Variants in GLRA3 observed in about 807,000 individuals in gnomAD.
GLRA3 encodes the protein glycine receptor alpha 3, also known as glycine receptor subunit alpha-3.
GLRA3 carries 44 observed loss-of-function variants against 60.4 expected under a neutral mutation model. The ratio of observed to expected loss-of-function variants is 0.73; its 90% CI spans 0.57 to 0.94. The LOEUF (loss-of-function observed/expected upper bound fraction) is 0.94. Among genes scored for constraint, GLRA3 ranks in the 40% least tolerant of loss-of-function variants. The pLI is 0.00. For missense variants in GLRA3, 508 were observed against 564.6 expected, an observed-to-expected ratio of 0.90 and a Z score of 1.02; for synonymous variants, 223 against 192.9, an observed-to-expected ratio of 1.16 and a Z score of -1.29.
chr4:174,716,869 T>C (rs961589281), intron 4 of GLRA3, among the ~76,000 whole-genome samples: 4 of 152,092 alleles, frequency 2.6e-5, no homozygotes, highest in Non-Finnish European at 5.9e-5. Flanking sequence ...CCAAATTCTA[T>C]AGTGTGGGCA....
chr4:174,724,018 T>A (rs1351177312), intron 4 of GLRA3, among the ~76,000 whole-genome samples: 1 of 151,082 alleles, frequency 6.6e-6, no homozygotes, highest in Non-Finnish European at 1.5e-5. Flanking sequence ...ATATGTATAT[T>A]TTTACATACA....
rs1732510088 is a variant in GLRA3, at chr4:174,637,006, ACT to A, written c.*6778_*6779del. Reference sequence around the variant, plus strand: ...ACTTTATACTGTTCACAGGTTAATGACTCTGATAGAGAGTCTGTTAGTTGCAA... The same window carrying A: ...ACTTTATACTGTTCACAGGTTAATGACTGATAGAGAGTCTGTTAGTTGCAA... On this transcript the variant is annotated 3_prime_UTR_variant, in exon 10 of 10. Transcript: ENST00000274093. The A allele has an allele frequency of 6.6e-6, 1 of 152,182 alleles. No homozygotes were observed. Among genetic ancestry groups the A allele is most frequent in the East Asian group, 1.9e-4 (1 of 5,192 alleles). 9.4% of individuals were successfully genotyped at this position (152,182 alleles called of 1,614,324 possible).
chr4:174,690,842 G>T (rs1734767753), intron 5 of GLRA3, among the ~76,000 whole-genome samples: 1 of 152,124 alleles, frequency 6.6e-6, no homozygotes, highest in Non-Finnish European at 1.5e-5. Context: ...ACATGACCTT[G>T]TTCTTTTTTA....
chr4:174,771,345 G>A (rs1000632998), intron 2 of GLRA3, among the ~76,000 whole-genome samples: 2 of 152,050 alleles, frequency 1.3e-5, no homozygotes, highest in African/African-American at 4.8e-5. Context: ...ACTCTGAAAA[G>A]TATCTGTAGG....
chr4:174,805,814 G>C (rs994145611), intron 1 of GLRA3, among the ~76,000 whole-genome samples: 2 of 152,168 alleles, frequency 1.3e-5, no homozygotes, highest in Admixed American at 6.6e-5. Flanking sequence ...TATTATAGAA[G>C]TTGGGTCTTC....
chr4:174,735,264 A>G (rs2111154551), intron 3 of GLRA3, among the ~76,000 whole-genome samples: 1 of 152,296 alleles, frequency 6.6e-6, no homozygotes, highest in South Asian at 2.1e-4. Context: ...AAAATGGCAG[A>G]AGTTTCTACA....
At chr4:174,780,743 C>G (rs1579595906) in intron 2 of GLRA3, among the ~76,000 whole-genome samples, 1 of 151,740 alleles carries the variant, frequency 6.6e-6, no homozygotes, top group African/African-American at 2.4e-5. Flanking sequence ...GTAAAGGGAT[C>G]AATTCAACAA....
At chr4:174,663,590 T>C (rs1406038610) in intron 7 of GLRA3, among the ~76,000 whole-genome samples, 1 of 152,214 alleles carries the variant, frequency 6.6e-6, no homozygotes, top group African/African-American at 2.4e-5. Flanking sequence ...GCATTGAGCC[T>C]AAAGGCCTAC....
chr4:174,723,576 T>C (rs1358393790), intron 4 of GLRA3, among the ~76,000 whole-genome samples: 1 of 152,070 alleles, frequency 6.6e-6, no homozygotes, highest in African/African-American at 2.4e-5. Flanking sequence ...TATTCTATCT[T>C]TGCAAAATGA....
chr4:174,800,630 T>C (rs1021378489), intron 1 of GLRA3, among the ~76,000 whole-genome samples: 1 of 151,990 alleles, frequency 6.6e-6, no homozygotes, highest in African/African-American at 2.4e-5. Flanking sequence ...CTTTCTTTAC[T>C]CTATCACTTG....
chr4:174,763,388 G>A (rs1480947685), intron 3 of GLRA3, among the ~76,000 whole-genome samples: 1 of 152,040 alleles, frequency 6.6e-6, no homozygotes, highest in Non-Finnish European at 1.5e-5. Context: ...AACTTGTCTA[G>A]GCCAATGAAC....
At chr4:174,720,877 G>A (rs955578228) in intron 4 of GLRA3, among the ~76,000 whole-genome samples, 3 of 152,130 alleles carry the variant, frequency 2.0e-5, no homozygotes, top group Non-Finnish European at 4.4e-5. Context: ...AGCAACTTAA[G>A]TATATGAATG....
chr4:174,778,068 T>A (rs1032147206), intron 2 of GLRA3, among the ~76,000 whole-genome samples: 14 of 152,232 alleles, frequency 9.2e-5, no homozygotes, highest in African/African-American at 3.4e-4. Flanking sequence ...ATAAAGAAAC[T>A]ACCAGTTTCA....
chr4:174,671,246 T>C (rs79547076), intron 7 of GLRA3, among the ~76,000 whole-genome samples: 7,665 of 152,240 alleles, frequency 0.05, 226 homozygotes, highest in South Asian at 0.12. Flanking sequence ...AATGTTATGT[T>C]TAAATGGTTT....
At chr4:174,653,341 C>T (rs1210133084) in intron 9 of GLRA3, among the ~76,000 whole-genome samples, 1 of 151,868 alleles carries the variant, frequency 6.6e-6, no homozygotes. Flanking sequence ...TTTCATATAT[C>T]TACACACATT....
chr4:174,814,005 A>G (rs1740378322), intron 1 of GLRA3, among the ~76,000 whole-genome samples: 1 of 152,194 alleles, frequency 6.6e-6, no homozygotes, highest in African/African-American at 2.4e-5. Flanking sequence ...AATCAGGACA[A>G]AGGCTTCTGG....
At chr4:174,772,061 T>A (rs1025436741) in intron 2 of GLRA3, among the ~76,000 whole-genome samples, 1 of 152,204 alleles carries the variant, frequency 6.6e-6, no homozygotes, top group African/African-American at 2.4e-5. Flanking sequence ...AAACTTCTGA[T>A]ATATTTGTTT....
At chr4:174,799,857 A>G (rs1402382220) in intron 1 of GLRA3, among the ~76,000 whole-genome samples, 1 of 152,184 alleles carries the variant, frequency 6.6e-6, no homozygotes, top group African/African-American at 2.4e-5. Context: ...TAAGCAGGAA[A>G]AAAAGTAAAA....
chr4:174,805,398 A>T (rs1382775489), intron 1 of GLRA3, among the ~76,000 whole-genome samples: 1 of 152,062 alleles, frequency 6.6e-6, no homozygotes, highest in Non-Finnish European at 1.5e-5. Flanking sequence ...ACTCTTTTGG[A>T]TCACTGACTC....
Sources: gnomAD v4.1 joint callset for allele counts (sites outside exome capture counted in the v4.1 genomes callset) on GRCh38, gnomAD v4.1.1 for gene constraint, MANE v1.5 for transcripts, NCBI Gene and HGNC (gene_info 2026-07-23, HGNC 2026-07-21) for gene names.